Variants in SCARA3 observed in about 807,000 individuals in gnomAD.
SCARA3 encodes scavenger receptor class A member 3.
SCARA3 carries 39 observed loss-of-function variants against 47.0 expected under a neutral mutation model. The observed-to-expected ratio is 0.83, with a 90% CI of 0.64 to 1.08. The LOEUF (loss-of-function observed/expected upper bound fraction) is 1.08, where lower values mean the gene tolerates loss of function less well. Among genes scored for constraint, SCARA3 ranks in the 50% least tolerant of loss-of-function variants. The probability of loss-of-function intolerance (pLI) is 0.00; values close to 1 mark genes in which losing one functional copy is unlikely to be tolerated. For missense variants in SCARA3, 724 were observed against 792.3 expected, an observed-to-expected ratio of 0.91 and a Z score of 1.04; for synonymous variants, 356 against 334.1, an observed-to-expected ratio of 1.07 and a Z score of -0.71.
the SCARA3 span, among the ~76,000 whole-genome samples, chr8:27,682,860 C>T: frequency 6.6e-6 from 1 of 152,030 alleles, no homozygotes; most frequent in Non-Finnish European, 1.5e-5. Flanking sequence ...CTTTGAAAAA[C>T]AGTTTGGTCA....
At chr8:27,726,049 G>A in the SCARA3 span, among the ~76,000 whole-genome samples, 406 of 152,244 alleles carry the variant, frequency 2.7e-3, 5 homozygotes, top group African/African-American at 9.4e-3. Context: ...TTAGGGAGTC[G>A]CAGAGGTCAC....
chr8:27,638,824 C>T (rs1330729283), intron 1 of SCARA3, among the ~76,000 whole-genome samples: 3 of 152,196 alleles, frequency 2.0e-5, no homozygotes, highest in African/African-American at 7.2e-5. Flanking sequence ...TAAGGGAGTT[C>T]CCAGCGAGAG....
chr8:27,722,866 C>A, the SCARA3 span, among the ~76,000 whole-genome samples: 5 of 152,164 alleles, frequency 3.3e-5, no homozygotes, highest in African/African-American at 1.2e-4. Flanking sequence ...AACAGGGTAT[C>A]CCTTTTCTCC....
intron 1 of SCARA3, among the ~76,000 whole-genome samples, chr8:27,647,509 T>C (rs972103225): frequency 1.3e-5 from 2 of 152,226 alleles, no homozygotes; most frequent in South Asian, 2.1e-4. Flanking sequence ...TTATTTGAAA[T>C]TGTGTTTGTT....
the SCARA3 span, among the ~76,000 whole-genome samples, chr8:27,721,660 A>G: frequency 2.0e-5 from 3 of 152,202 alleles, no homozygotes; most frequent in Non-Finnish European, 4.4e-5. Flanking sequence ...AGGAACACCC[A>G]GGACCCTGGA....
chr8:27,729,463 A>G, the SCARA3 span, among the ~76,000 whole-genome samples: 2 of 152,198 alleles, frequency 1.3e-5, no homozygotes, highest in Non-Finnish European at 2.9e-5. Flanking sequence ...ATGGAGGCCC[A>G]GGGAGGACAA....
the SCARA3 span, among the ~76,000 whole-genome samples, chr8:27,700,997 A>G: frequency 6.6e-6 from 1 of 152,324 alleles, no homozygotes; most frequent in African/African-American, 2.4e-5. Flanking sequence ...TCACAACAGC[A>G]TTGTCCAGAA....
chr8:27,685,995 T>C, the SCARA3 span, among the ~76,000 whole-genome samples: 1 of 152,126 alleles, frequency 6.6e-6, no homozygotes, highest in Non-Finnish European at 1.5e-5. Flanking sequence ...AAATAAAAGT[T>C]TGTTGAAAAA....
downstream of SCARA3, chr8:27,676,431 C>A: frequency 1.2e-6 from 1 of 814,872 alleles, no homozygotes; most frequent in Non-Finnish European, 2.0e-6. Context: ...CAGGTGCTGA[C>A]CTCAGCCAGG....
At chr8:27,673,077 A>T, downstream of SCARA3, 1 of 856,008 alleles carries the variant, frequency 1.2e-6, no homozygotes, top group Non-Finnish European at 1.4e-6. Flanking sequence ...TCAGGGCTGC[A>T]CTCCAGGTGG....
At chr8:27,684,389 A>G in the SCARA3 span, among the ~76,000 whole-genome samples, 2 of 152,216 alleles carry the variant, frequency 1.3e-5, no homozygotes, top group African/African-American at 4.8e-5. Context: ...TTGAACATCC[A>G]TATTAGAAAC....
chr8:27,644,928 A>AC lies in SCARA3; in HGVS notation c.8-4767dup, dbSNP rs34884151. Among the ~76,000 whole-genome samples the AC allele has an allele frequency of 6.2e-3, 946 of 151,808 alleles. 12 individuals are homozygous for AC. The highest frequency in any genetic ancestry group is 0.022 in the African/African-American group (893 of 41,370). On this transcript the variant is annotated intron_variant, in intron 1 of 5. Transcript: ENST00000301904. Reference sequence around the variant, plus strand: ...ACTGGGACAACAATGGAAAAACACGACCCCCCCAAACAAGAACCCTTGGAG... The same window carrying AC: ...ACTGGGACAACAATGGAAAAACACGACCCCCCCCAAACAAGAACCCTTGGAG...
chr8:27,721,805 C>T, the SCARA3 span, among the ~76,000 whole-genome samples: 1 of 152,210 alleles, frequency 6.6e-6, no homozygotes, highest in Non-Finnish European at 1.5e-5. Context: ...GGTGCAGTGG[C>T]TCTTGCCTGT....
At chr8:27,638,198 G>A (rs1363650148) in intron 1 of SCARA3, among the ~76,000 whole-genome samples, 1 of 152,188 alleles carries the variant, frequency 6.6e-6, no homozygotes, top group Non-Finnish European at 1.5e-5. Context: ...TAGCTTGGCA[G>A]TTTCCGTGAA....
chr8:27,709,155 G>C, the SCARA3 span, among the ~76,000 whole-genome samples: 1,675 of 152,326 alleles, frequency 0.011, 17 homozygotes, highest in South Asian at 0.022. Flanking sequence ...AGTCTTCAGA[G>C]AAAGGCAAGG....
chr8:27,715,625 A>AGAT, the SCARA3 span, among the ~76,000 whole-genome samples: 3 of 152,092 alleles, frequency 2.0e-5, no homozygotes, highest in South Asian at 6.2e-4. The surrounding 1 kb of genome is among the most constrained non-coding windows in gnomAD (Gnocchi z 4.2). Flanking sequence ...ATAGATAGAT[A>AGAT]GATAGATAGA....
At chr8:27,667,809 G>A (rs759026654) in intron 5 of SCARA3, among the ~76,000 whole-genome samples, 1 of 152,204 alleles carries the variant, frequency 6.6e-6, no homozygotes, top group African/African-American at 2.4e-5. Flanking sequence ...CGTGACACGG[G>A]CAGCGAGGGA....
chr8:27,728,944 T>C, the SCARA3 span, among the ~76,000 whole-genome samples: 1 of 152,152 alleles, frequency 6.6e-6, no homozygotes, highest in Non-Finnish European at 1.5e-5. Flanking sequence ...GCATGTGCCT[T>C]TAGTCCCAGG....
Position 27,638,146 on chromosome 8 carries a change from G to A in SCARA3, c.7+3939G>A, listed in dbSNP as rs35688730. Among the ~76,000 whole-genome samples the A allele has an allele frequency of 2.5e-3, 388 of 152,258 alleles. 2 individuals are homozygous for A. Among genetic ancestry groups the A allele is most frequent in the Admixed American group, 5.5e-3 (84 of 15,308 alleles). On this transcript the variant is annotated intron_variant, in intron 1 of 5. Transcript: ENST00000301904. Reference sequence around the variant, plus strand: ...TCAGGTCCCAAGGCTCATCGAGAGCGAGGAAAAAGCCTTCTGTTTCTCAGT... The same window carrying A: ...TCAGGTCCCAAGGCTCATCGAGAGCAAGGAAAAAGCCTTCTGTTTCTCAGT...
Sources: allele counts gnomAD v4.1 joint callset (sites outside exome capture counted in the v4.1 genomes callset), GRCh38; gene constraint gnomAD v4.1.1; non-coding constraint Gnocchi (gnomAD v3.1); transcripts MANE v1.5; gene names NCBI Gene and HGNC (gene_info 2026-07-23, HGNC 2026-07-21).